The following CACNA2D3 variants were observed in gnomAD, a reference collection of about 807,000 sequenced individuals.
The protein encoded by CACNA2D3 is voltage-dependent calcium channel subunit alpha-2/delta-3.
In CACNA2D3, 60 loss-of-function variants were observed where a neutral mutation model predicts 160.6. The ratio of observed to expected loss-of-function variants is 0.37; its 90% CI spans 0.30 to 0.46. The LOEUF (loss-of-function observed/expected upper bound fraction) is 0.46. Among genes scored for constraint, CACNA2D3 ranks in the 20% least tolerant of loss-of-function variants. CACNA2D3 has a pLI of 1.00. For missense variants in CACNA2D3, 1,205 were observed against 1,365.0 expected, an observed-to-expected ratio of 0.88 and a Z score of 1.85; for synonymous variants, 558 against 492.9, an observed-to-expected ratio of 1.13 and a Z score of -1.75.
chr3:54,230,336 G>C (rs1701747362), intron 2 of CACNA2D3, among the ~76,000 whole-genome samples: 3 of 152,118 alleles, frequency 2.0e-5, no homozygotes, highest in African/African-American at 4.8e-5. Context: ...TTTGAAGTTT[G>C]TGTAATTCTC....
At chr3:54,455,012 G>A (rs376331603) in intron 4 of CACNA2D3, among the ~76,000 whole-genome samples, 2 of 152,258 alleles carry the variant, frequency 1.3e-5, no homozygotes, top group East Asian at 1.9e-4. Flanking sequence ...AACATGAGTT[G>A]CTTCCCTATC....
chr3:54,571,857 G>T (rs780549537), intron 8 of CACNA2D3, among the ~76,000 whole-genome samples: 1 of 152,158 alleles, frequency 6.6e-6, no homozygotes. Flanking sequence ...AGCTACCTCA[G>T]CTGTGAAGTA....
chr3:54,600,386 A>G (rs1436693725), intron 9 of CACNA2D3, among the ~76,000 whole-genome samples: 2 of 152,208 alleles, frequency 1.3e-5, no homozygotes, highest in African/African-American at 2.4e-5. Context: ...ATGATCCTCC[A>G]TCGGTAACAC....
intron 2 of CACNA2D3, among the ~76,000 whole-genome samples, chr3:54,129,818 T>C (rs1378264192): frequency 6.6e-6 from 1 of 152,196 alleles, no homozygotes; most frequent in Admixed American, 6.5e-5. Context: ...GTAATACTTA[T>C]TAAGTGTGTG....
chr3:54,954,115 G>C (rs1025396811), intron 27 of CACNA2D3, among the ~76,000 whole-genome samples: 9 of 152,212 alleles, frequency 5.9e-5, no homozygotes, highest in African/African-American at 1.9e-4. Flanking sequence ...TGAGGCCAAA[G>C]AGAGAGGGGG....
At chr3:54,465,035 ATTTCT>A (rs766081994) in intron 4 of CACNA2D3, among the ~76,000 whole-genome samples, 20 of 150,120 alleles carry the variant, frequency 1.3e-4, no homozygotes, top group East Asian at 2.0e-4. Flanking sequence ...TCTTTCTTTA[ATTTCT>A]TTTCTTTTCT....
intron 5 of CACNA2D3, among the ~76,000 whole-genome samples, chr3:54,533,543 CA>C (rs1701838250): frequency 6.6e-6 from 1 of 151,982 alleles, no homozygotes; most frequent in Admixed American, 6.6e-5. Flanking sequence ...CCATGTTTGC[CA>C]GGCTAGTCTC....
chr3:54,368,137 A>G (rs748894383), intron 3 of CACNA2D3, among the ~76,000 whole-genome samples: 21 of 152,180 alleles, frequency 1.4e-4, no homozygotes, highest in Admixed American at 3.3e-4. Flanking sequence ...TTATTTTTTA[A>G]AAGAGTTATT....
At chr3:54,871,204 C>G (rs2703023) in intron 17 of CACNA2D3, among the ~76,000 whole-genome samples, 67,187 of 145,772 alleles carry the variant, frequency 0.46, 16,360 homozygotes, top group East Asian at 0.85. Flanking sequence ...CACACACACA[C>G]ACACACACAC....
At chr3:54,228,375 G>A (rs536632864) in intron 2 of CACNA2D3, among the ~76,000 whole-genome samples, 2 of 152,328 alleles carry the variant, frequency 1.3e-5, no homozygotes, top group East Asian at 1.9e-4. Context: ...TAATGAGAAG[G>A]ATGAGAATGA....
intron 4 of CACNA2D3, among the ~76,000 whole-genome samples, chr3:54,460,393 C>T (rs879815939): frequency 1.4e-3 from 213 of 152,240 alleles, no homozygotes; most frequent in Non-Finnish European, 2.5e-3. Context: ...GATATTGATT[C>T]TTCCTACCCA....
chr3:54,292,440 T>G (rs1434826156), intron 2 of CACNA2D3, among the ~76,000 whole-genome samples: 2 of 152,184 alleles, frequency 1.3e-5, no homozygotes, highest in African/African-American at 4.8e-5. Context: ...GATAAAAGAC[T>G]TGTTTCTAGA....
At chr3:54,969,239 GT>G (rs1215167440) in intron 28 of CACNA2D3, among the ~76,000 whole-genome samples, 6 of 146,042 alleles carry the variant, frequency 4.1e-5, no homozygotes, top group African/African-American at 1.5e-4. Flanking sequence ...TATCATTACT[GT>G]TTAATGACAA....
At chr3:54,839,588 T>C (rs1413468939) in intron 16 of CACNA2D3, among the ~76,000 whole-genome samples, 1 of 152,112 alleles carries the variant, frequency 6.6e-6, no homozygotes, top group Non-Finnish European at 1.5e-5. Flanking sequence ...TCTGGCCCAC[T>C]CAGATTAACG....
chr3:55,056,063 G>A (rs927889702), intron 35 of CACNA2D3, among the ~76,000 whole-genome samples: 1 of 152,036 alleles, frequency 6.6e-6, no homozygotes, highest in African/African-American at 2.4e-5. Context: ...AAAAGGGTCA[G>A]TATCCAAAAT....
chr3:54,126,228 CA>C (rs1215835923), intron 2 of CACNA2D3, among the ~76,000 whole-genome samples: 1 of 152,176 alleles, frequency 6.6e-6, no homozygotes, highest in Non-Finnish European at 1.5e-5. Flanking sequence ...CTAAAACATA[CA>C]CTTTACAAAG....
chr3:54,801,828 A>G (rs779796038), intron 13 of CACNA2D3, among the ~76,000 whole-genome samples: 1 of 152,162 alleles, frequency 6.6e-6, no homozygotes, highest in African/African-American at 2.4e-5. Flanking sequence ...AGTCCCATCC[A>G]TACCCCAAAC....
At chr3:54,350,968 G>GTTTTGTTTTTTTTTTTTTT (rs1698543203) in intron 3 of CACNA2D3, among the ~76,000 whole-genome samples, 1 of 56,106 alleles carries the variant, frequency 1.8e-5, no homozygotes, top group African/African-American at 6.4e-5. Flanking sequence ...TCTTGAGTCT[G>GTTTTGTTTTTTTTTTTTTT]TTTTTTTTTT....
chr3:54,297,265 A>G (rs1703362256), intron 2 of CACNA2D3, among the ~76,000 whole-genome samples: 1 of 152,122 alleles, frequency 6.6e-6, no homozygotes, highest in African/African-American at 2.4e-5. Context: ...CTACTAAACT[A>G]CTTTGTTTTT....
Sources: allele counts gnomAD v4.1 joint callset (sites outside exome capture counted in the v4.1 genomes callset), GRCh38; gene constraint gnomAD v4.1.1; transcripts MANE v1.5; gene names NCBI Gene and HGNC (gene_info 2026-07-23, HGNC 2026-07-21).